Variants in PTBP2 observed in about 807,000 individuals in gnomAD.
PTBP2 encodes polypyrimidine tract-binding protein 2.
A neutral mutation model predicts 61.4 loss-of-function variants in PTBP2; 13 were observed. That is an observed-to-expected ratio of 0.21 (90% CI 0.14 to 0.34). The LOEUF is 0.34. PTBP2 is among the 10% of genes least tolerant of loss of function. PTBP2 has a pLI of 1.00. For synonymous variants in PTBP2, 215 were observed against 218.5 expected (o/e 0.98, Z 0.14); for missense variants, 405 against 642.6 (o/e 0.63, Z 4.00).
chr1:96,762,656 T>G (rs1490446804), intron 3 of PTBP2, among the ~76,000 whole-genome samples: 2 of 136,108 alleles, frequency 1.5e-5, no homozygotes, highest in Non-Finnish European at 3.1e-5. Context: ...AAGGGGCGGC[T>G]GGCCGGGCGG....
chr1:96,772,569 G>A (rs1657500307), intron 5 of PTBP2, among the ~76,000 whole-genome samples: 1 of 151,938 alleles, frequency 6.6e-6, no homozygotes, highest in African/African-American at 2.4e-5. Context: ...CCCCTTCCCT[G>A]TTCACTCCTC....
At chr1:96,766,457 A>G (rs193188958) in intron 3 of PTBP2, among the ~76,000 whole-genome samples, 99 of 152,294 alleles carry the variant, frequency 6.5e-4, no homozygotes, top group Non-Finnish European at 1.1e-3. Flanking sequence ...TTCCCCCAGT[A>G]AACCTTTCCC....
intron 5 of PTBP2, among the ~76,000 whole-genome samples, chr1:96,777,240 G>A (rs1396095015): frequency 1.3e-5 from 2 of 152,112 alleles, no homozygotes; most frequent in Non-Finnish European, 2.9e-5. Flanking sequence ...TAATGTTAAA[G>A]TTGTATTCTC....
At chr1:96,746,067 AAAAC>A (rs1017207048) in intron 2 of PTBP2, among the ~76,000 whole-genome samples, 3 of 133,448 alleles carry the variant, frequency 2.2e-5, no homozygotes, top group African/African-American at 8.1e-5. Context: ...CTCCATCTCA[AAAAC>A]AAACAAAAAA....
At chr1:96,728,569 C>T (rs987985001) in intron 2 of PTBP2, among the ~76,000 whole-genome samples, 1 of 152,142 alleles carries the variant, frequency 6.6e-6, no homozygotes, top group Non-Finnish European at 1.5e-5. Context: ...TGGAAACATA[C>T]TGTCTTAATC....
In PTBP2 at chr1:96,735,681, C is replaced by A. The variant is rs143517551; in HGVS notation, c.39+12087C>A. 1.2e-3 allele frequency among the ~76,000 whole-genome samples: 188 copies of A among 150,822 alleles called. No individual in the cohort carries two copies. In the Middle Eastern group the frequency reaches 0.014, roughly 11 times the overall value. ...AGCACTAAATATCTTTATTAGTGAA[C>A]AAAAAAATAAAAATAACTTAGAATT... On this transcript the variant is annotated intron_variant, in intron 2 of 13. Coordinates refer to ENST00000674951, the MANE Select transcript of PTBP2 (RefSeq NM_021190.4).
chr1:96,769,893 T>C lies in PTBP2; in HGVS notation c.288+18T>C. 1 of 1,558,650 alleles carries C rather than the reference T, an allele frequency of 6.4e-7. No individual in the cohort carries two copies. The highest frequency in any genetic ancestry group is 1.2e-5 in the South Asian group (1 of 81,618). On this transcript the variant is annotated intron_variant, in intron 4 of 13. Coordinates refer to ENST00000674951, the MANE Select transcript of PTBP2 (RefSeq NM_021190.4). ...AAAATCAGGTACACTTCTTTCAGGGTTTATGAAATGTTAAACCCCAAACTA... is the reference window on the plus strand; with the variant it reads ...AAAATCAGGTACACTTCTTTCAGGGCTTATGAAATGTTAAACCCCAAACTA...
At chr1:96,811,641 T>C (rs1188467907) in intron 11 of PTBP2, among the ~76,000 whole-genome samples, 1 of 152,172 alleles carries the variant, frequency 6.6e-6, no homozygotes, top group Non-Finnish European at 1.5e-5. Flanking sequence ...GGTCTCGAAC[T>C]CCTAGACCTT....
intron 8 of PTBP2, among the ~76,000 whole-genome samples, chr1:96,791,835 T>TTTTTTTTTTTTGTTTTTTTC (rs1659857400): frequency 6.6e-5 from 2 of 30,514 alleles, no homozygotes; most frequent in African/African-American, 3.8e-4. Context: ...GCTTTTTTTT[T>TTTTTTTTTTTTGTTTTTTTC]TTTTTTTTTT....
intron 2 of PTBP2, chr1:96,749,686 C>T (rs980187613): frequency 2.2e-5 from 10 of 455,566 alleles, no homozygotes; most frequent in Middle Eastern, 3.3e-4. Flanking sequence ...CAGTTAATAA[C>T]GTAATTCACT....
intron 2 of PTBP2, among the ~76,000 whole-genome samples, chr1:96,736,056 T>C (rs112392204): frequency 3.2e-4 from 48 of 152,204 alleles, no homozygotes; most frequent in Non-Finnish European, 5.6e-4. Flanking sequence ...AATAATATTT[T>C]CAATGTGTTG....
chr1:96,758,600 A>G (rs1363530845), intron 3 of PTBP2, among the ~76,000 whole-genome samples: 1 of 152,090 alleles, frequency 6.6e-6, no homozygotes, highest in Admixed American at 6.5e-5. Flanking sequence ...ACTCAGTGTA[A>G]TTTGTCACAA....
chr1:96,744,711 C>G (rs1653513956), intron 2 of PTBP2, among the ~76,000 whole-genome samples: 1 of 152,026 alleles, frequency 6.6e-6, no homozygotes, highest in African/African-American at 2.4e-5. Context: ...TATCCTTATT[C>G]TTACTTTTTG....
chr1:96,749,987 A>G (rs971397820), intron 2 of PTBP2, among the ~76,000 whole-genome samples: 4 of 152,008 alleles, frequency 2.6e-5, no homozygotes, highest in African/African-American at 9.7e-5. Context: ...GCTAGGAAAC[A>G]TTTTCTGTGT....
In PTBP2 at chr1:96,806,399, G is replaced by A; in HGVS notation, c.1045-20G>A. The A allele has an allele frequency of 1.9e-6, 3 of 1,553,396 alleles. No individual in the cohort carries two copies. The highest frequency in any genetic ancestry group is 2.7e-6 in the Non-Finnish European group (3 of 1,125,050). On this transcript the variant is annotated intron_variant, in intron 9 of 13. Coordinates refer to ENST00000674951, the MANE Select transcript of PTBP2 (RefSeq NM_021190.4). ...TCTCTCTTCTTGTCTTACGCTGCTT[G>A]CTCTTCTCTCCTTCTAAAGATGGTT...
chr1:96,817,321 C>T (rs1419624418), downstream of PTBP2: 1 of 151,924 alleles, frequency 6.6e-6, no homozygotes, highest in Non-Finnish European at 1.5e-5. Context: ...GAAGAAAGTA[C>T]AGAATTCAGT....
chr1:96,763,618 G>A (rs1656303830), intron 3 of PTBP2, among the ~76,000 whole-genome samples: 1 of 130,894 alleles, frequency 7.6e-6, no homozygotes, highest in Non-Finnish European at 1.6e-5. Context: ...GGGAGGGGGA[G>A]GGGGAGGGGG....
At chr1:96,724,834 T>C (rs1318539423) in intron 2 of PTBP2, among the ~76,000 whole-genome samples, 2 of 152,146 alleles carry the variant, frequency 1.3e-5, no homozygotes, top group African/African-American at 4.8e-5. Flanking sequence ...TGTACTCATG[T>C]ACCCTAAAAC....
intron 2 of PTBP2, among the ~76,000 whole-genome samples, chr1:96,742,751 T>C (rs1010851829): frequency 2.0e-5 from 3 of 151,734 alleles, no homozygotes; most frequent in African/African-American, 7.3e-5. Context: ...GAGGGAATGG[T>C]ATATAATACA....
Sources: allele counts gnomAD v4.1 joint callset (sites outside exome capture counted in the v4.1 genomes callset), GRCh38; gene constraint gnomAD v4.1.1; transcripts MANE v1.5; gene names NCBI Gene and HGNC (gene_info 2026-07-23, HGNC 2026-07-21).